Variants in LIMK2 observed in about 807,000 individuals in gnomAD.
LIMK2 encodes the protein LIM domain kinase 2.
In LIMK2, 35 loss-of-function variants were observed where a neutral mutation model predicts 75.7. That is an observed-to-expected ratio of 0.46 (90% confidence interval 0.35 to 0.61). The LOEUF is 0.61. Ranked by LOEUF, LIMK2 falls within the 20% of genes least tolerant of loss-of-function variation. The pLI, the probability that LIMK2 is intolerant of heterozygous loss-of-function variation, is 0.00. For synonymous variants in LIMK2, 301 were observed against 319.2 expected, an observed-to-expected ratio of 0.94 and a Z score of 0.61; for missense variants, 623 against 831.0, an observed-to-expected ratio of 0.75 and a Z score of 3.08.
intron 1 of LIMK2, among the ~76,000 whole-genome samples, chr22:31,214,444 A>T (rs1192389425): frequency 3.9e-5 from 6 of 152,144 alleles, no homozygotes; most frequent in Admixed American, 3.9e-4. Context: ...GTGCTGTAAG[A>T]GTGCACCAGG....
chr22:31,225,410 G>A (rs1461585896), intron 1 of LIMK2, among the ~76,000 whole-genome samples: 1 of 152,210 alleles, frequency 6.6e-6, no homozygotes, highest in Non-Finnish European at 1.5e-5. Flanking sequence ...AGAGCTATAA[G>A]CAAAGGCTGA....
chr22:31,259,033 C>A, intron 3 of LIMK2, 88 bp from the exon 4 acceptor site: 1 of 740,762 alleles, frequency 1.3e-6, no homozygotes, highest in Non-Finnish European at 2.4e-6. Context: ...GCTTGGAGGT[C>A]ATTCACCCAC....
chr22:31,271,594 G>A (rs1230170055), intron 12 of LIMK2, among the ~76,000 whole-genome samples: 1 of 152,078 alleles, frequency 6.6e-6, no homozygotes, highest in Non-Finnish European at 1.5e-5. Context: ...AAATTTACAG[G>A]GACCAGTTTG....
chr22:31,244,771 T>A (rs944272324), intron 2 of LIMK2, among the ~76,000 whole-genome samples: 4 of 152,230 alleles, frequency 2.6e-5, no homozygotes, highest in Admixed American at 2.6e-4. Flanking sequence ...TTATCAACCT[T>A]TAATGTGTCC....
At position 31,278,650 on chromosome 22, in the gene LIMK2, T is replaced by A; in HGVS notation, c.*209T>A. 2.3e-6 allele frequency: 1 copy of A among 441,890 alleles called. No homozygotes were observed. The highest frequency in any genetic ancestry group is 4.0e-6 in the Non-Finnish European group (1 of 251,892). 27.4% of individuals were successfully genotyped at this position (441,890 alleles called of 1,614,324 possible). A position where few individuals can be genotyped will look rare whatever the true frequency, so the allele number is the denominator to read the frequency against. On this transcript the variant is annotated 3_prime_UTR_variant, in exon 16 of 16. Transcript: ENST00000331728. ...CACAGGTTCTGGGGCCTAGTTACTG[T>A]CTGTAAATCCAATACTTGCCTGAAA...
Position 31,259,190 on chromosome 22 carries a change from G to A in LIMK2, c.322G>A (p.Gly108Arg), listed in dbSNP as rs1273600757. 10 of 1,613,560 alleles carry A rather than the reference G, an allele frequency of 6.2e-6. No homozygotes were observed. Among genetic ancestry groups the A allele is most frequent in the Non-Finnish European group, 7.6e-6 (9 of 1,179,534 alleles). ...GAGCTGCAAGGTGATCATTGAGGAT[G>A]GGGATGCATATGCACTGGTGCAGCA... ...CMSCKVIIED[G>R]DAYALVQHAT... Residue 108 changes from glycine (G) to arginine (R), a missense_variant, in exon 4 of 16, where the codon GGG (glycine) becomes AGG (arginine). Around this residue, in one of 3 missense-constraint regions of LIMK2, gnomAD observed 514 missense variants for 661.3 expected, o/e 0.78. Transcript: ENST00000331728.
Position 31,279,201 on chromosome 22 carries a change from G to A in LIMK2, c.*760G>A, listed in dbSNP as rs1458433050. On this transcript the variant is annotated 3_prime_UTR_variant, in exon 16 of 16. Coordinates refer to ENST00000331728, the MANE Select transcript of LIMK2 (RefSeq NM_005569.4). ...TCTGAAACAAACAGTCACAAGCAAAGGAAGAGGCTGGGGGACTAGAAAGAG... is the reference window on the plus strand; with the variant it reads ...TCTGAAACAAACAGTCACAAGCAAAAGAAGAGGCTGGGGGACTAGAAAGAG... 1 of 152,244 alleles carries A rather than the reference G, an allele frequency of 6.6e-6. No individual in the cohort carries two copies. Among genetic ancestry groups the A allele is most frequent in the Non-Finnish European group, 1.5e-5 (1 of 68,058 alleles). 9.4% of individuals were successfully genotyped at this position (152,244 alleles called of 1,614,324 possible). A position where few individuals can be genotyped will look rare whatever the true frequency, so the allele number is the denominator to read the frequency against.
At chr22:31,247,693 C>T (rs1174201268) in intron 2 of LIMK2, among the ~76,000 whole-genome samples, 6 of 152,170 alleles carry the variant, frequency 3.9e-5, no homozygotes, top group African/African-American at 1.4e-4. Context: ...GAGTGAGTTA[C>T]CTAATCTCTC....
chr22:31,277,196 C>G, intron 15 of LIMK2: 1 of 1,609,648 alleles, frequency 6.2e-7, no homozygotes. Flanking sequence ...ACCCCCCGAC[C>G]TCGTAGCAAC....
At chr22:31,238,114 C>CAA (rs34428618) in intron 2 of LIMK2, among the ~76,000 whole-genome samples, 807 of 80,220 alleles carry the variant, frequency 0.01, 14 homozygotes, top group East Asian at 0.015. Flanking sequence ...GACACTGTCT[C>CAA]AAAAAAAAAA....
At position 31,227,880 on chromosome 22, in the gene LIMK2, GT is replaced by G. The variant is rs1281275996; in HGVS notation, c.116+2062del. On this transcript the variant is annotated intron_variant, in intron 2 of 15. Transcript: ENST00000331728. ...ACTAGAAGAAACCACCCACTATATG[GT>G]ATAACCCATTCATATCACAGATGAG... Among the ~76,000 whole-genome samples the G allele has an allele frequency of 3.3e-5, 5 of 152,128 alleles. No individual in the cohort carries two copies. The East Asian group carries it at 9.6e-4, about 29-fold the overall frequency.
In LIMK2 at chr22:31,280,044, C is replaced by G. The variant is rs1458838824; in HGVS notation, c.*1603C>G. 6.6e-6 allele frequency: 1 copy of G among 152,256 alleles called. No individual in the cohort carries two copies. The highest frequency in any genetic ancestry group is 1.5e-5 in the Non-Finnish European group (1 of 68,072). 9.4% of individuals were successfully genotyped at this position (152,256 alleles called of 1,614,324 possible). On this transcript the variant is annotated 3_prime_UTR_variant, in exon 16 of 16. Transcript: ENST00000331728. Reference sequence around the variant, plus strand: ...GGTGGGCCTGAACTGGGCCATTGATCAGACTAAATAAATTAAGCAGTTAAC... The same window carrying G: ...GGTGGGCCTGAACTGGGCCATTGATGAGACTAAATAAATTAAGCAGTTAAC...
intron 2 of LIMK2, 126 bp from the exon 3 acceptor site, chr22:31,258,165 T>G: frequency 1.0e-6 from 1 of 953,656 alleles, no homozygotes; most frequent in Non-Finnish European, 1.6e-6. Context: ...GCTGTAACTT[T>G]GCCCCATCTT....
At position 31,262,219 on chromosome 22, in the gene LIMK2, C is replaced by G; in HGVS notation, c.637C>G (p.Arg213Gly). Residue 213 changes from arginine (R) to glycine (G), a missense_variant, in exon 6 of 16, where the codon CGC becomes GGC. By Grantham distance (125) the Arg-to-Gly change is moderately radical. Transcript: ENST00000331728. The surrounding 1 kb of genome is among the most constrained non-coding windows in gnomAD (Gnocchi z 5.0). The stretch of plus-strand genomic sequence containing the variant: ...CCTGGAGATCAATGGGACCCCCGTC[C>G]GCACACTTCGAGTGGAGGAGGTAGA... ...RILEINGTPVRTLRVEEVEDA... is the reference protein window; with the variant it reads ...RILEINGTPVGTLRVEEVEDA... 1.2e-6 allele frequency: 2 copies of G among 1,613,498 alleles called. No individual in the cohort carries two copies. The highest frequency in any genetic ancestry group is 1.7e-6 in the Non-Finnish European group (2 of 1,179,390).
intron 2 of LIMK2, among the ~76,000 whole-genome samples, chr22:31,256,890 G>A (rs760948570): frequency 6.6e-6 from 1 of 152,100 alleles, no homozygotes; most frequent in Non-Finnish European, 1.5e-5. Flanking sequence ...GATGGCATGG[G>A]CTCAGCAGGC....
At chr22:31,239,572 C>T (rs976670009) in intron 2 of LIMK2, among the ~76,000 whole-genome samples, 4 of 152,238 alleles carry the variant, frequency 2.6e-5, no homozygotes, top group African/African-American at 9.6e-5. Flanking sequence ...AGGAGCCCCC[C>T]GCCAAATCCA....
chr22:31,273,368 G>A (rs2048978538), intron 13 of LIMK2, 84 bp from the exon 14 acceptor site: 1 of 1,242,596 alleles, frequency 8.0e-7, no homozygotes, highest in Non-Finnish European at 1.2e-6. Context: ...CTAGTTCTTA[G>A]CTGTGGCTTA....
chr22:31,275,035 A>C, intron 14 of LIMK2, 116 bp from the exon 15 acceptor site: 1 of 1,001,142 alleles, frequency 1.0e-6, no homozygotes, highest in Non-Finnish European at 1.6e-6. Flanking sequence ...TCTCTAACCT[A>C]TTTTACCACC....
Position 31,263,253 on chromosome 22 carries a change from A to C in LIMK2, c.854+462A>C, listed in dbSNP as rs114706926. ...TTCTGCCAGGTCCATGGGGAAGGAG[A>C]AGTTGCCTTGAGTGGAAGCCCCAAG... On this transcript the variant is annotated intron_variant, in intron 7 of 15. Transcript: ENST00000331728. Among the ~76,000 whole-genome samples, 1,330 of 152,256 alleles carry C rather than the reference A, an allele frequency of 8.7e-3. 24 individuals are homozygous for C. Among genetic ancestry groups the C allele is most frequent in the African/African-American group, 0.031 (1,274 of 41,528 alleles).
Sources: allele counts gnomAD v4.1 joint callset (sites outside exome capture counted in the v4.1 genomes callset), GRCh38; gene constraint gnomAD v4.1.1; regional missense constraint gnomAD v4.1.1; non-coding constraint Gnocchi (gnomAD v3.1); transcripts MANE v1.5; gene names NCBI Gene and HGNC (gene_info 2026-07-23, HGNC 2026-07-21).